Variants in MED28 observed in about 807,000 individuals in gnomAD.
MED28 encodes mediator of RNA polymerase II transcription subunit 28.
Under a neutral mutation model 21.3 loss-of-function variants are expected in MED28, and 26 were observed. The observed-to-expected ratio is 1.22, with a 90% confidence interval of 0.89 to 1.69. MED28 has a LOEUF of 1.69. MED28 is among the 40% of genes most tolerant of loss of function. The pLI is 0.00. For synonymous variants in MED28, 110 were observed against 87.6 expected (o/e 1.26, Z -1.43); for missense variants, 257 against 215.4 (o/e 1.19, Z -1.21).
At position 17,623,617 on chromosome 4, in the gene MED28, G is replaced by A. The variant is rs1225500180; in HGVS notation, c.356G>A (p.Arg119Lys). 1 of 1,614,034 alleles carries A rather than the reference G, an allele frequency of 6.2e-7. No homozygotes were observed. The highest frequency in any genetic ancestry group is 8.5e-7 in the Non-Finnish European group (1 of 1,179,982). The change falls in exon 4 of 4, where the codon AGG becomes AAG. Residue 119 changes from arginine to lysine, a missense_variant. By Grantham distance (26) the Arg-to-Lys change is conservative. Transcript: ENST00000237380. ...CATCTGCAGGATGTGTCAGAACTAA[G>A]GAATGAATTACAGCGGAAAGATGCA... is the stretch of plus-strand genomic sequence containing the variant. ...QVIKEDVSEL[R>K]NELQRKDALV...
At chr4:17,618,213 T>C (rs148444028) in intron 1 of MED28, among the ~76,000 whole-genome samples, 2,463 of 152,092 alleles carry the variant, frequency 0.016, 77 homozygotes, top group African/African-American at 0.056. Context: ...TTCACCACGT[T>C]GCCCATGCTG....
In MED28 at chr4:17,619,917, T is replaced by G. The variant is rs1714567414; in HGVS notation, c.176T>G (p.Leu59Arg). The change falls in exon 2 of 4, where the codon CTG becomes CGG. Residue 59 changes from leucine (L) to arginine (R), a missense_variant. Leu to Arg is a moderately radical substitution (Grantham distance 102, BLOSUM62 -2). Coordinates refer to ENST00000237380, the MANE Select transcript of MED28 (RefSeq NM_025205.5). Reference protein sequence around the residue: ...ESSFEACFASLVSQDYVNGTD... With the variant: ...ESSFEACFASRVSQDYVNGTD... ...ATTACACAGGCTTGCTTTGCATCTC[T>G]GGTGAGTCAGGACTATGTCAATGGC... is the stretch of plus-strand genomic sequence containing the variant. The G allele has an allele frequency of 1.2e-6, 2 of 1,614,190 alleles. No homozygotes were observed. The highest frequency in any genetic ancestry group is 1.7e-6 in the Non-Finnish European group (2 of 1,180,002).
At position 17,632,801 on chromosome 4, in the gene MED28, A is replaced by G. The variant is rs1203327408; in HGVS notation, c.*9003A>G. ...TTGTAAAGGATGGGGCTGGGGAGGG[A>G]GTACCTAATCCTCATTTGGAAAACA... On this transcript the variant is annotated 3_prime_UTR_variant, in exon 4 of 4. Coordinates refer to ENST00000237380, the MANE Select transcript of MED28 (RefSeq NM_025205.5). 1.5e-5 allele frequency: 8 copies of G among 529,498 alleles called. No individual in the cohort carries two copies. In the Admixed American group the frequency reaches 2.5e-4, roughly 17 times the overall value. The allele number at this position is 529,498 out of a possible 1,614,324, so 32.8% of individuals were successfully genotyped here.
Position 17,633,171 on chromosome 4 carries a change from C to G in MED28, c.*9373C>G, listed in dbSNP as rs567218771. 6.5e-6 allele frequency: 1 copy of G among 154,026 alleles called. No individual in the cohort carries two copies. Among genetic ancestry groups the G allele is most frequent in the South Asian group, 2.0e-4 (1 of 4,940 alleles). The allele number at this position is 154,026 out of a possible 1,614,324, so 9.5% of individuals were successfully genotyped here. A position where few individuals can be genotyped will look rare whatever the true frequency, so the allele number is the denominator to read the frequency against. Reference sequence around the variant, plus strand: ...TCCTGACCTTAGGTGATCCACCCACCTCCATCTCCCAAAGTGCTGGGATTA... The same window carrying G: ...TCCTGACCTTAGGTGATCCACCCACGTCCATCTCCCAAAGTGCTGGGATTA... On this transcript the variant is annotated 3_prime_UTR_variant, in exon 4 of 4. Coordinates refer to ENST00000237380, the MANE Select transcript of MED28 (RefSeq NM_025205.5).
Position 17,628,460 on chromosome 4 carries a change from CTCACTT to C in MED28, c.*4663_*4668del, listed in dbSNP as rs556251449. 156 of 152,152 alleles carry C rather than the reference CTCACTT, an allele frequency of 1.0e-3. No homozygotes were observed. Among genetic ancestry groups the C allele is most frequent in the African/African-American group, 3.6e-3 (149 of 41,496 alleles). 9.4% of individuals were successfully genotyped at this position (152,152 alleles called of 1,614,324 possible). ...CTGACAGCATCCAATCGAGTGAATC[CTCACTT>C]CCTTGAAATCACCCAACCAGGGCCA... On this transcript the variant is annotated 3_prime_UTR_variant, in exon 4 of 4. Transcript: ENST00000237380.
intron 2 of MED28, among the ~76,000 whole-genome samples, chr4:17,620,491 A>G (rs1425374817): frequency 2.6e-5 from 4 of 151,472 alleles, no homozygotes; most frequent in African/African-American, 9.7e-5. Flanking sequence ...GCACTACCAT[A>G]CTCAGCTAAT....
chr4:17,632,825 C>G lies in MED28; in HGVS notation c.*9027C>G. 2 of 463,320 alleles carry G rather than the reference C, an allele frequency of 4.3e-6. No individual in the cohort carries two copies. Among genetic ancestry groups the G allele is most frequent in the African/African-American group, 3.9e-5 (2 of 51,436 alleles). The allele number at this position is 463,320 out of a possible 1,614,324, so 28.7% of individuals were successfully genotyped here. A position where few individuals can be genotyped will look rare whatever the true frequency, so the allele number is the denominator to read the frequency against. ...GAGTACCTAATCCTCATTTGGAAAA[C>G]AGAAGGTTCACCATTGTTTGGTTCT... On this transcript the variant is annotated 3_prime_UTR_variant, in exon 4 of 4. Coordinates refer to ENST00000237380, the MANE Select transcript of MED28 (RefSeq NM_025205.5).
chr4:17,614,918 A>T, intron 1 of MED28, 105 bp downstream of exon 1: 1 of 1,347,486 alleles, frequency 7.4e-7, no homozygotes, highest in Non-Finnish European at 1.0e-6. Context: ...CTAATTCACA[A>T]ATGGGGAAAC....
intron 2 of MED28, among the ~76,000 whole-genome samples, chr4:17,621,128 C>T (rs1236594068): frequency 1.3e-5 from 2 of 151,724 alleles, no homozygotes; most frequent in African/African-American, 2.4e-5. Flanking sequence ...GATCCTTCTG[C>T]CTCAGCCTCT....
At chr4:17,620,465 A>G (rs1052111292) in intron 2 of MED28, among the ~76,000 whole-genome samples, 1 of 150,896 alleles carries the variant, frequency 6.6e-6, no homozygotes, top group African/African-American at 2.4e-5. Flanking sequence ...TCCCGCGTAG[A>G]TGGAACTACA....
intron 3 of MED28, among the ~76,000 whole-genome samples, chr4:17,623,398 C>CA (rs397880373): frequency 0.62 from 70,333 of 113,076 alleles, 21,106 homozygotes; most frequent in East Asian, 0.85. Context: ...GACTTCGTCT[C>CA]AAAAAAAAAA....
chr4:17,615,392 G>A (rs1190958543), intron 1 of MED28, among the ~76,000 whole-genome samples: 1 of 152,164 alleles, frequency 6.6e-6, no homozygotes, highest in Non-Finnish European at 1.5e-5. Flanking sequence ...GTATATTGAG[G>A]GAAGATAGAG....
chr4:17,633,575 A>T lies in MED28; in HGVS notation c.*9777A>T, dbSNP rs1450778034. The T allele has an allele frequency of 2.1e-6, 2 of 952,796 alleles. No individual in the cohort carries two copies. The highest frequency in any genetic ancestry group is 3.0e-6 in the Non-Finnish European group (2 of 671,028). The allele number at this position is 952,796 out of a possible 1,614,324, so 59.0% of individuals were successfully genotyped here. A position where few individuals can be genotyped will look rare whatever the true frequency, so the allele number is the denominator to read the frequency against. On this transcript the variant is annotated 3_prime_UTR_variant, in exon 4 of 4. Coordinates refer to ENST00000237380, the MANE Select transcript of MED28 (RefSeq NM_025205.5). The stretch of plus-strand genomic sequence containing the variant: ...GTGATTCAGTGTCCCTTGTCTAATC[A>T]TCCATGAAAAAAGGCCTTCTGGAAT...
At chr4:17,614,868 G>C in intron 1 of MED28, 55 bp downstream of exon 1, 1 of 1,535,246 alleles carries the variant, frequency 6.5e-7, no homozygotes, top group Non-Finnish European at 8.8e-7. Context: ...TCTGAAACGT[G>C]AACTGCGCGT....
At chr4:17,619,652 G>T (rs1358127125) in intron 1 of MED28, among the ~76,000 whole-genome samples, 1 of 152,108 alleles carries the variant, frequency 6.6e-6, no homozygotes, top group Non-Finnish European at 1.5e-5. Context: ...TACAGGGAAG[G>T]GGCATGTAGT....
In MED28 at chr4:17,623,875, C is replaced by T. The variant is rs1357274337; in HGVS notation, c.*77C>T. The T allele has an allele frequency of 2.0e-6, 3 of 1,468,518 alleles. No homozygotes were observed. In the Admixed American group the frequency reaches 6.4e-5, roughly 31 times the overall value. 91.0% of individuals were successfully genotyped at this position (1,468,518 alleles called of 1,614,324 possible). On this transcript the variant is annotated 3_prime_UTR_variant, in exon 4 of 4. Transcript: ENST00000237380. ...CACACATTCCTTCCTGTGGACTTGA[C>T]ATTTTGGAAGAACTCTTTGCCAGAT...
chr4:17,628,932 AGT>A lies in MED28; in HGVS notation c.*5137_*5138del, dbSNP rs2108921315. 6.6e-6 allele frequency: 1 copy of A among 152,374 alleles called. No homozygotes were observed. Among genetic ancestry groups the A allele is most frequent in the African/African-American group, 2.4e-5 (1 of 41,554 alleles). 9.4% of individuals were successfully genotyped at this position (152,374 alleles called of 1,614,324 possible). ...GGAGTACTGCACACAAGGACAGTAG[AGT>A]GTCTGTTCCCTGCAGAGGGATAGTG... On this transcript the variant is annotated 3_prime_UTR_variant, in exon 4 of 4. Coordinates refer to ENST00000237380, the MANE Select transcript of MED28 (RefSeq NM_025205.5).
In MED28 at chr4:17,624,647, G is replaced by C. The variant is rs193028597; in HGVS notation, c.*849G>C. ...TCTTTCTGTTTTGAGTTTTGTTTGC[G>C]TGTATCATTTTTGTTCTACATTTTG... On this transcript the variant is annotated 3_prime_UTR_variant, in exon 4 of 4. Coordinates refer to ENST00000237380, the MANE Select transcript of MED28 (RefSeq NM_025205.5). 6.6e-6 allele frequency: 1 copy of C among 151,598 alleles called. No homozygotes were observed. The highest frequency in any genetic ancestry group is 1.9e-4 in the East Asian group (1 of 5,130). 9.4% of individuals were successfully genotyped at this position (151,598 alleles called of 1,614,324 possible).
rs1714824520 is a variant in MED28 at position 17,628,322 on chromosome 4, G to A, written c.*4524G>A. 6.6e-6 allele frequency: 1 copy of A among 150,628 alleles called. No individual in the cohort carries two copies. Among genetic ancestry groups the A allele is most frequent in the Non-Finnish European group, 1.5e-5 (1 of 67,920 alleles). 9.3% of individuals were successfully genotyped at this position (150,628 alleles called of 1,614,324 possible). On this transcript the variant is annotated 3_prime_UTR_variant, in exon 4 of 4. Coordinates refer to ENST00000237380, the MANE Select transcript of MED28 (RefSeq NM_025205.5). ...TATATGCGTATATATGTGTATGTAT[G>A]TGTGTATATATATATGTGTGTGTGT...
Sources: gnomAD v4.1 joint callset for allele counts (sites outside exome capture counted in the v4.1 genomes callset) on GRCh38, gnomAD v4.1.1 for gene constraint, MANE v1.5 for transcripts, NCBI Gene and HGNC (gene_info 2026-07-23, HGNC 2026-07-21) for gene names.